Variants in CTTNBP2NL observed in about 807,000 individuals in gnomAD.
CTTNBP2NL encodes the protein CTTNBP2 N-terminal-like protein.
Under a neutral mutation model 32.5 loss-of-function variants are expected in CTTNBP2NL, and 16 were observed. That is an observed-to-expected ratio of 0.49 (90% CI 0.33 to 0.75). CTTNBP2NL has a LOEUF of 0.75. Among genes scored for constraint, CTTNBP2NL ranks in the 30% least tolerant of loss-of-function variants. The pLI is 0.02. For synonymous variants in CTTNBP2NL, 298 were observed against 289.4 expected (o/e 1.03, Z -0.30); for missense variants, 645 against 756.0 (o/e 0.85, Z 1.72).
At chr1:112,435,612 C>T (rs1427209548) in intron 3 of CTTNBP2NL, among the ~76,000 whole-genome samples, 4 of 152,116 alleles carry the variant, frequency 2.6e-5, no homozygotes, top group South Asian at 4.1e-4. Context: ...CATCTTACCC[C>T]GTACTAAGAA....
chr1:112,416,433 G>T, intron 3 of CTTNBP2NL, 169 bp downstream of exon 3: 2 of 513,456 alleles, frequency 3.9e-6, no homozygotes, highest in South Asian at 5.6e-5. Context: ...AGGGACACTG[G>T]TGAAACCTTT....
At chr1:112,440,401 G>T (rs1649861857) in intron 3 of CTTNBP2NL, among the ~76,000 whole-genome samples, 1 of 152,128 alleles carries the variant, frequency 6.6e-6, no homozygotes, top group Non-Finnish European at 1.5e-5. Flanking sequence ...TGTTTAAAAT[G>T]ATAGATTCAG....
Position 112,439,604 on chromosome 1 carries a change from A to G in CTTNBP2NL, c.100-9338A>G, listed in dbSNP as rs56396752. Among the ~76,000 whole-genome samples, 604 of 152,316 alleles carry G rather than the reference A, an allele frequency of 4.0e-3. 5 individuals carry two copies. The highest frequency in any genetic ancestry group is 0.014 in the African/African-American group (568 of 41,572). On this transcript the variant is annotated intron_variant, in intron 3 of 5. Transcript: ENST00000271277. ...TTGAAGTTTTCGGCACTGTCTGTTA[A>G]TGGTGAGTGAAAGAGCCCAGCACAT... is the stretch of plus-strand genomic sequence containing the variant.
intron 3 of CTTNBP2NL, among the ~76,000 whole-genome samples, chr1:112,446,165 T>C (rs1216232039): frequency 6.7e-6 from 1 of 148,376 alleles, no homozygotes; most frequent in Non-Finnish European, 1.5e-5. Flanking sequence ...TTCTAAACTT[T>C]TCTATTTTTC....
chr1:112,433,255 G>A (rs2492528), intron 3 of CTTNBP2NL, among the ~76,000 whole-genome samples: 1 of 151,312 alleles, frequency 6.6e-6, no homozygotes, highest in African/African-American at 2.4e-5. Context: ...TTTGTGTGGG[G>A]GTGTGTGTGT....
intron 5 of CTTNBP2NL, among the ~76,000 whole-genome samples, chr1:112,455,248 G>A (rs982739749): frequency 1.3e-5 from 2 of 152,172 alleles, no homozygotes; most frequent in African/African-American, 4.8e-5. Flanking sequence ...GTTCACGCCT[G>A]TAATCCCAGC....
At chr1:112,409,163 T>G (rs1274411983) in intron 1 of CTTNBP2NL, among the ~76,000 whole-genome samples, 1 of 150,084 alleles carries the variant, frequency 6.7e-6, no homozygotes, top group Non-Finnish European at 1.5e-5. Context: ...CTTTACATAA[T>G]TGGAGTCAAT....
intron 4 of CTTNBP2NL, among the ~76,000 whole-genome samples, chr1:112,452,645 C>CTTTTTTTTT (rs34842059): frequency 7.5e-6 from 1 of 133,098 alleles, no homozygotes; most frequent in African/African-American, 3.1e-5. Context: ...CTCCTGGCCT[C>CTTTTTTTTT]TTTTTTTTTT....
rs1570748498 is a variant in CTTNBP2NL at position 112,456,092 on chromosome 1, A to G, written c.600A>G (p.Ala200=). 2.5e-6 allele frequency: 4 copies of G among 1,614,192 alleles called. No homozygotes were observed. Among genetic ancestry groups the G allele is most frequent in the Middle Eastern group, 3.3e-4 (2 of 6,062 alleles). ...TNKAAEEGQK[A]GELSLKLEKE... Reference sequence around the variant, plus strand: ...AGGCAGCCGAGGAAGGACAGAAGGCAGGAGAGCTGAGCCTGAAATTGGAGA... The same window carrying G: ...AGGCAGCCGAGGAAGGACAGAAGGCGGGAGAGCTGAGCCTGAAATTGGAGA... Residue 200 remains alanine, a synonymous_variant, in exon 6 of 6, where the codon GCA becomes GCG. Transcript: ENST00000271277.
Position 112,456,439 on chromosome 1 carries a change from G to A in CTTNBP2NL, c.947G>A (p.Ser316Asn), listed in dbSNP as rs1180888939. Residue 316 changes from serine to asparagine, a missense_variant, in exon 6 of 6, where the codon AGT becomes AAT. Ser to Asn is a conservative substitution (Grantham distance 46). Coordinates refer to ENST00000271277, the MANE Select transcript of CTTNBP2NL (RefSeq NM_018704.3). ...ATGTCTGTGTTTTGCCAAACAGAGA[G>A]TTTTCCAGCAGAAAGAACCCATGGG... is the stretch of plus-strand genomic sequence containing the variant. ...MLMSVFCQTE[S>N]FPAERTHGSN... 3.7e-6 allele frequency: 6 copies of A among 1,614,032 alleles called. No individual in the cohort carries two copies. Among genetic ancestry groups the A allele is most frequent in the Non-Finnish European group, 5.1e-6 (6 of 1,180,046 alleles).
Position 112,460,441 on chromosome 1 carries a change from A to G in CTTNBP2NL, c.*3029A>G, listed in dbSNP as rs1650517970. On this transcript the variant is annotated 3_prime_UTR_variant, in exon 6 of 6. Transcript: ENST00000271277. ...CTTAGAGCTGGAAAAAGCCTTTACA[A>G]TAATCCAGTCTGTGATTTTTTAAAC... The G allele has an allele frequency of 6.6e-6, 1 of 152,074 alleles. No individual in the cohort carries two copies. Among genetic ancestry groups the G allele is most frequent in the African/African-American group, 2.4e-5 (1 of 41,324 alleles). 9.4% of individuals were successfully genotyped at this position (152,074 alleles called of 1,614,324 possible).
At chr1:112,422,645 A>G (rs1258214989) in intron 3 of CTTNBP2NL, among the ~76,000 whole-genome samples, 4 of 152,240 alleles carry the variant, frequency 2.6e-5, no homozygotes, top group Non-Finnish European at 5.9e-5. Flanking sequence ...AACTTGGTAT[A>G]GCCAATCTTT....
intron 3 of CTTNBP2NL, among the ~76,000 whole-genome samples, chr1:112,446,198 A>G (rs772769295): frequency 3.2e-4 from 1 of 3,170 alleles, no homozygotes; most frequent in Non-Finnish European, 5.6e-4. Context: ...AAAAAAGTGG[A>G]AAAAAAAAAA....
chr1:112,434,976 C>T (rs947040969), intron 3 of CTTNBP2NL, among the ~76,000 whole-genome samples: 1 of 151,844 alleles, frequency 6.6e-6, no homozygotes, highest in African/African-American at 2.4e-5. Context: ...AACCCCATCT[C>T]TACTAAAAAT....
At chr1:112,405,844 G>C (rs1170612519) in intron 1 of CTTNBP2NL, among the ~76,000 whole-genome samples, 1 of 152,094 alleles carries the variant, frequency 6.6e-6, no homozygotes, top group East Asian at 1.9e-4. Context: ...ACAAAAACCT[G>C]ATACCTATTA....
chr1:112,442,694 CT>C (rs796344995), intron 3 of CTTNBP2NL, among the ~76,000 whole-genome samples: 43 of 148,018 alleles, frequency 2.9e-4, no homozygotes, highest in East Asian at 1.8e-3. Context: ...TACTCATATT[CT>C]TTTTTTTTTT....
Position 112,457,411 on chromosome 1 carries a change from A to G in CTTNBP2NL, c.1919A>G (p.Ter640TrpextTer9), listed in dbSNP as rs747908641. The G allele has an allele frequency of 6.2e-7, 1 of 1,602,652 alleles. No individual in the cohort carries two copies. Among genetic ancestry groups the G allele is most frequent in the Non-Finnish European group, 8.5e-7 (1 of 1,173,314 alleles). ...DVELLLPTSS[*>W] is the part of the protein sequence containing the mutation. Reference sequence around the variant, plus strand: ...GAGTTACTTTTGCCTACCAGCAGCTAGTCCCTAGGAGGGAGTCTCCACGTT... The same window carrying G: ...GAGTTACTTTTGCCTACCAGCAGCTGGTCCCTAGGAGGGAGTCTCCACGTT... The change falls in exon 6 of 6, where the codon TAG becomes TGG. Residue 640 changes from the stop codon to tryptophan, a stop_lost. Transcript: ENST00000271277.
chr1:112,430,313 C>T (rs1649531803), intron 3 of CTTNBP2NL, among the ~76,000 whole-genome samples: 1 of 151,930 alleles, frequency 6.6e-6, no homozygotes, highest in South Asian at 2.1e-4. Flanking sequence ...GCAACCTCCG[C>T]CTCCTGGGCT....
intron 2 of CTTNBP2NL, among the ~76,000 whole-genome samples, chr1:112,414,173 C>T (rs1271590723): frequency 6.6e-6 from 1 of 152,176 alleles, no homozygotes; most frequent in Non-Finnish European, 1.5e-5. Flanking sequence ...CAAGACCAGC[C>T]TTGCCAACAT....
Sources: allele counts gnomAD v4.1 joint callset (sites outside exome capture counted in the v4.1 genomes callset), GRCh38; gene constraint gnomAD v4.1.1; transcripts MANE v1.5; gene names NCBI Gene and HGNC (gene_info 2026-07-23, HGNC 2026-07-21).